The following USP42 variants were observed in gnomAD, a reference collection of about 807,000 sequenced individuals.
USP42 encodes ubiquitin specific peptidase 42.
USP42 carries 23 observed loss-of-function variants against 113.0 expected under a neutral mutation model. The observed-to-expected ratio is 0.20, with a 90% CI of 0.15 to 0.29. The LOEUF is 0.29. Among genes scored for constraint, USP42 ranks in the 10% least tolerant of loss-of-function variants. USP42 has a pLI of 1.00. For missense variants in USP42, 2,174 were observed against 1,779.8 expected (o/e 1.22, Z -3.99); for synonymous variants, 933 against 699.0 (o/e 1.33, Z -5.28).
chr7:6,103,480 G>A (rs1348813177), upstream of USP42, among the ~76,000 whole-genome samples: 1 of 149,046 alleles, frequency 6.7e-6, no homozygotes, highest in Non-Finnish European at 1.5e-5. Flanking sequence ...TGACACCATT[G>A]CACTCCAGCC....
rs765114712 is a variant in USP42, at chr7:6,153,822, C to A, written c.2268C>A (p.Ala756=). 3.9e-6 allele frequency: 6 copies of A among 1,533,030 alleles called. No individual in the cohort carries two copies. The South Asian group carries it at 6.0e-5, about 15-fold the overall frequency. 95.0% of individuals were successfully genotyped at this position (1,533,030 alleles called of 1,614,324 possible). ...CCGAGCCTCAGCCTGGCAGCCCCGC[C>A]GCCGAATCCCTGGAGGAGCCAGATG... ...RDAEPQPGSP[A]AESLEEPDAA... The change falls in exon 15 of 18, where the codon GCC becomes GCA. Residue 756 remains alanine, a synonymous_variant. Coordinates refer to ENST00000306177, the MANE Select transcript of USP42 (RefSeq NM_032172.3).
chr7:6,150,462 C>T lies in USP42; in HGVS notation c.2157C>T (p.Thr719=). 6.2e-7 allele frequency: 1 copy of T among 1,613,938 alleles called. No homozygotes were observed. The highest frequency in any genetic ancestry group is 1.1e-5 in the South Asian group (1 of 91,076). ...TCCCAGAAGACAAAATCTTAGAGACCTTCAGGCTTAGCAACAAACTGAAAG... is the reference window on the plus strand; with the variant it reads ...TCCCAGAAGACAAAATCTTAGAGACTTTCAGGCTTAGCAACAAACTGAAAG... The part of the protein sequence containing the change: ...LSLPEDKILE[T]FRLSNKLKGS... The change falls in exon 14 of 18, where the codon ACC becomes ACT. Residue 719 remains threonine, a synonymous_variant. Coordinates refer to ENST00000306177, the MANE Select transcript of USP42 (RefSeq NM_032172.3).
chr7:6,142,916 C>T lies in USP42; in HGVS notation c.796-16C>T, dbSNP rs1221507226. 1 of 1,613,458 alleles carries T rather than the reference C, an allele frequency of 6.2e-7. No homozygotes were observed. The highest frequency in any genetic ancestry group is 1.7e-5 in the Admixed American group (1 of 59,990). On this transcript the variant is annotated splice_polypyrimidine_tract_variant and intron_variant, in intron 7 of 17. Coordinates refer to ENST00000306177, the MANE Select transcript of USP42 (RefSeq NM_032172.3). ...GGTGTGCGGTGATGTGGTGTTTGTG[C>T]CTCTTCTCTTCCCAGGCTGCTCAGA... is the stretch of plus-strand genomic sequence containing the variant.
chr7:6,090,604 A>G, the USP42 span, among the ~76,000 whole-genome samples: 32 of 146,144 alleles, frequency 2.2e-4, no homozygotes, highest in African/African-American at 7.7e-4. Flanking sequence ...AATCCCAGCT[A>G]CTCAGGAGAC....
rs1184351929 is a variant in USP42 at position 6,159,355 on chromosome 7, ACT to A, written c.3944-92_3944-91del. 55 of 1,544,470 alleles carry A rather than the reference ACT, an allele frequency of 3.6e-5. No homozygotes were observed. The highest frequency in any genetic ancestry group is 1.2e-4 in the Admixed American group (7 of 58,078). On this transcript the variant is annotated intron_variant, in intron 16 of 17. Transcript: ENST00000306177. The surrounding 1 kb of genome is among the most constrained non-coding windows in gnomAD (Gnocchi z 4.1). ...CAGGCGCTCACAGGGAACCGCAGTG[ACT>A]CTGACCATAGCCACTTAACGCACAC...
In USP42 at chr7:6,117,968, C is replaced by T. The variant is rs148328741; in HGVS notation, c.442+2445C>T. Among the ~76,000 whole-genome samples, 611 of 152,166 alleles carry T rather than the reference C, an allele frequency of 4.0e-3. 2 individuals are homozygous for T. The highest frequency in any genetic ancestry group is 0.014 in the African/African-American group (585 of 41,512). ...GCTTAGAGAGTTCTTTATATATCCT[C>T]GATATAAGTCTTTTATTATGTAGGC... is the stretch of plus-strand genomic sequence containing the variant. On this transcript the variant is annotated intron_variant, in intron 3 of 17. Coordinates refer to ENST00000306177, the MANE Select transcript of USP42 (RefSeq NM_032172.3).
rs376429774 is a variant in USP42, at chr7:6,143,470, A to G, written c.878+456A>G. On this transcript the variant is annotated intron_variant, in intron 8 of 17. Coordinates refer to ENST00000306177, the MANE Select transcript of USP42 (RefSeq NM_032172.3). The stretch of plus-strand genomic sequence containing the variant: ...GGGATAGCATTTGCTGAAAAACTCT[A>G]ATTTTGATCATTCATTAATATGTTT... Among the ~76,000 whole-genome samples the G allele has an allele frequency of 1.8e-4, 28 of 152,276 alleles. No homozygotes were observed. The East Asian group carries it at 3.3e-3, about 18-fold the overall frequency.
chr7:6,112,135 G>A (rs1048864382), intron 2 of USP42, among the ~76,000 whole-genome samples: 44 of 151,838 alleles, frequency 2.9e-4, no homozygotes, highest in African/African-American at 8.2e-4. Flanking sequence ...AAAATCATTC[G>A]TAGTAATAAA....
At chr7:6,137,546 C>T (rs1251779765) in intron 4 of USP42, among the ~76,000 whole-genome samples, 2 of 152,160 alleles carry the variant, frequency 1.3e-5, no homozygotes, top group Non-Finnish European at 2.9e-5. Context: ...TTAGTAGAGA[C>T]GGGGTTTCAC....
chr7:6,151,872 G>T (rs1242010483), intron 14 of USP42, among the ~76,000 whole-genome samples: 2 of 152,140 alleles, frequency 1.3e-5, no homozygotes, highest in African/African-American at 2.4e-5. Context: ...CGTTGCCCTT[G>T]GACTGTTACA....
chr7:6,087,259 G>C, the USP42 span, among the ~76,000 whole-genome samples: 1 of 150,346 alleles, frequency 6.7e-6, no homozygotes, highest in African/African-American at 2.5e-5. Flanking sequence ...TGGAACTCCT[G>C]ACCTCAGGTG....
At chr7:6,110,604 T>G (rs1779547890) in intron 1 of USP42, among the ~76,000 whole-genome samples, 1 of 152,178 alleles carries the variant, frequency 6.6e-6, no homozygotes, top group Non-Finnish European at 1.5e-5. Flanking sequence ...TAATTATAAT[T>G]TTAAAAAATA....
At chr7:6,117,794 T>A (rs1473680184) in intron 3 of USP42, among the ~76,000 whole-genome samples, 1 of 152,032 alleles carries the variant, frequency 6.6e-6, no homozygotes, top group South Asian at 2.1e-4. Context: ...ACTTTCATAA[T>A]GAATAATGCT....
chr7:6,120,368 A>G lies in USP42; in HGVS notation c.442+4845A>G, dbSNP rs1382790485. ...AGTGATTCTCCTGCCTCAGCCTCCC[A>G]GGTAACTGGGATTACAGGCACGCAC... On this transcript the variant is annotated intron_variant, in intron 3 of 17. Coordinates refer to ENST00000306177, the MANE Select transcript of USP42 (RefSeq NM_032172.3). 2.0e-5 allele frequency among the ~76,000 whole-genome samples: 3 copies of G among 152,076 alleles called. No homozygotes were observed. The East Asian group carries it at 5.8e-4, about 29-fold the overall frequency.
At position 6,157,230 on chromosome 7, in the gene USP42, C is replaced by G. The variant is rs909382983; in HGVS notation, c.3943+175C>G. On this transcript the variant is annotated intron_variant, in intron 16 of 17. Transcript: ENST00000306177. This position sits in a 1 kb window ranked among gnomAD's most constrained non-coding sequence, Gnocchi z 4.1. ...AGTGCTCATCCCTGCAGTGTGGTTC[C>G]GTTGCACAGTTAAGCCCTTAGCGTT... The G allele has an allele frequency of 1.4e-6, 2 of 1,401,718 alleles. No homozygotes were observed. Among genetic ancestry groups the G allele is most frequent in the East Asian group, 5.4e-5 (2 of 37,340 alleles). The allele number at this position is 1,401,718 out of a possible 1,614,324, so 86.8% of individuals were successfully genotyped here. A position where few individuals can be genotyped will look rare whatever the true frequency, so the allele number is the denominator to read the frequency against.
the USP42 span, among the ~76,000 whole-genome samples, chr7:6,082,536 T>C: frequency 6.7e-6 from 1 of 150,200 alleles, no homozygotes; most frequent in South Asian, 2.1e-4. Flanking sequence ...GAGAATGGCT[T>C]GAATCCAAGA....
chr7:6,107,215 C>A (rs1779337657), intron 1 of USP42, among the ~76,000 whole-genome samples: 1 of 151,928 alleles, frequency 6.6e-6, no homozygotes, highest in Non-Finnish European at 1.5e-5. Flanking sequence ...ACTTAAGAGG[C>A]TTTTGTCCCT....
rs540597411 is a variant in USP42 at position 6,109,200 on chromosome 7, G to A, written c.-9-1925G>A. On this transcript the variant is annotated intron_variant, in intron 1 of 17. Transcript: ENST00000306177. ...GAGGTGGAAGGTTGGAAAAGAGTCG[G>A]AGAAAAGAACAGCATGTGCAGAGCC... 1.1e-4 allele frequency among the ~76,000 whole-genome samples: 17 copies of A among 152,182 alleles called. No individual in the cohort carries two copies. In the East Asian group the frequency reaches 3.3e-3, roughly 29 times the overall value.
intron 4 of USP42, among the ~76,000 whole-genome samples, chr7:6,136,800 C>T (rs898909229): frequency 1.3e-5 from 2 of 150,682 alleles, no homozygotes; most frequent in African/African-American, 2.4e-5. Context: ...TCTCTTTTTT[C>T]GGTTCTTCTT....
Sources: gnomAD v4.1 joint callset for allele counts (sites outside exome capture counted in the v4.1 genomes callset) on GRCh38, gnomAD v4.1.1 for gene constraint, Gnocchi (gnomAD v3.1) non-coding constraint, MANE v1.5 for transcripts, NCBI Gene and HGNC (gene_info 2026-07-23, HGNC 2026-07-21) for gene names.